SMARCB1: variants seen among roughly 807,000 people sequenced by gnomAD.
SMARCB1 encodes the protein SWI/SNF-related matrix-associated actin-dependent regulator of chromatin subfamily B member 1.
Under a neutral mutation model 49.0 loss-of-function variants are expected in SMARCB1, and 5 were observed. The ratio of observed to expected loss-of-function variants is 0.10; its 90% confidence interval spans 0.05 to 0.21. SMARCB1 has a LOEUF of 0.21. Ranked by LOEUF, SMARCB1 falls within the 10% of genes least tolerant of loss-of-function variation. The probability of loss-of-function intolerance (pLI) is 1.00; values close to 1 mark genes in which losing one functional copy is unlikely to be tolerated. For synonymous variants in SMARCB1, 201 were observed against 200.1 expected, an observed-to-expected ratio of 1.00 and a Z score of -0.04; for missense variants, 226 against 509.2, an observed-to-expected ratio of 0.44 and a Z score of 5.35.
Position 23,837,950 on chromosome 22 carries a change from C to T in SMARCB1, c.*3770C>T. On this transcript the variant is annotated 3_prime_UTR_variant, in exon 9 of 9. Coordinates refer to ENST00000644036, the MANE Select transcript of SMARCB1 (RefSeq NM_003073.5). Reference sequence around the variant, plus strand: ...CCTGGAATTCTTCCCCTCATCTCCCCTATGTGCTATTCCCTCATCAAGATG... The same window carrying T: ...CCTGGAATTCTTCCCCTCATCTCCCTTATGTGCTATTCCCTCATCAAGATG... 2 of 1,320,350 alleles carry T rather than the reference C, an allele frequency of 1.5e-6. No homozygotes were observed. The highest frequency in any genetic ancestry group is 2.1e-6 in the Non-Finnish European group (2 of 974,520). 81.8% of individuals were successfully genotyped at this position (1,320,350 alleles called of 1,614,324 possible). A position where few individuals can be genotyped will look rare whatever the true frequency, so the allele number is the denominator to read the frequency against.
In SMARCB1 at chr22:23,793,490, A is replaced by C. The variant is rs973927274; in HGVS notation, c.233-69A>C. The C allele has an allele frequency of 2.6e-6, 4 of 1,561,510 alleles. No homozygotes were observed. The African/African-American group carries it at 5.4e-5, about 21-fold the overall frequency. On this transcript the variant is annotated intron_variant, in intron 2 of 8. Transcript: ENST00000644036. ...GCATGCGAGGACCTTGATGTGCTGC[A>C]TCCACTTGGCTGGCTGCTGTGTGCC...
chr22:23,834,558 A>C lies in SMARCB1; in HGVS notation c.*378A>C. On this transcript the variant is annotated 3_prime_UTR_variant, in exon 9 of 9. Coordinates refer to ENST00000644036, the MANE Select transcript of SMARCB1 (RefSeq NM_003073.5). ...TCTTCAAAGTTTTAACATAAAAATA[A>C]TGAGAGCCAGGAGTGGGGCCGGGGC... The C allele has an allele frequency of 3.0e-6, 2 of 674,278 alleles. No individual in the cohort carries two copies. Among genetic ancestry groups the C allele is most frequent in the Non-Finnish European group, 5.2e-6 (2 of 382,630 alleles). 41.8% of individuals were successfully genotyped at this position (674,278 alleles called of 1,614,324 possible). A position where few individuals can be genotyped will look rare whatever the true frequency, so the allele number is the denominator to read the frequency against.
At chr22:23,804,108 G>GC (rs1555877331) in intron 5 of SMARCB1, 1 of 148,096 alleles carries the variant, frequency 6.8e-6, no homozygotes, top group East Asian at 2.0e-4. Context: ...TTGCATACCA[G>GC]TTTTTTTTTT....
chr22:23,792,998 G>A (rs992709062), intron 2 of SMARCB1: 2 of 200,498 alleles, frequency 1.0e-5, no homozygotes, highest in African/African-American at 4.6e-5. Context: ...CCTAGAATCT[G>A]TCCTGCTTCC....
chr22:23,819,321 T>C (rs1017336652), intron 6 of SMARCB1, among the ~76,000 whole-genome samples: 34 of 151,372 alleles, frequency 2.2e-4, no homozygotes, highest in Non-Finnish European at 2.7e-4. Flanking sequence ...TGTTTTCATT[T>C]ATTCATTCAT....
rs3062485 is a variant in SMARCB1 at position 23,807,595 on chromosome 22, TA to T, written c.628+4184del. 5.1e-3 allele frequency among the ~76,000 whole-genome samples: 754 copies of T among 147,978 alleles called. 22 individuals are homozygous for T. In the South Asian group the frequency reaches 0.087, roughly 17 times the overall value. The stretch of plus-strand genomic sequence containing the variant: ...GTCTCAAAAACTTTTTTTTTAAAGT[TA>T]AAAAAAAAAATCAAATGATAGATTC... On this transcript the variant is annotated intron_variant, in intron 5 of 8. Transcript: ENST00000644036.
intron 3 of SMARCB1, among the ~76,000 whole-genome samples, chr22:23,797,862 G>A (rs983531031): frequency 7.2e-5 from 11 of 151,984 alleles, no homozygotes; most frequent in East Asian, 5.8e-4. Flanking sequence ...CAGGTGATCC[G>A]TCCGCCTCGG....
intron 7 of SMARCB1, among the ~76,000 whole-genome samples, chr22:23,827,481 G>A (rs914189676): frequency 3.3e-5 from 5 of 152,212 alleles, no homozygotes; most frequent in Non-Finnish European, 5.9e-5. Flanking sequence ...AGGATTTAGA[G>A]GCAGAGGCGG....
intron 2 of SMARCB1, chr22:23,792,161 GT>G: frequency 4.2e-6 from 2 of 473,562 alleles, no homozygotes; most frequent in South Asian, 2.0e-5. Context: ...GTGAAGACAT[GT>G]TGGTCTCAAA....
intron 5 of SMARCB1, among the ~76,000 whole-genome samples, chr22:23,806,919 C>T (rs1382486919): frequency 5.8e-5 from 5 of 86,868 alleles, no homozygotes; most frequent in Non-Finnish European, 1.2e-4. Context: ...GACTCTATCT[C>T]AAAAAAAAAA....
chr22:23,794,402 G>A (rs369215432), intron 3 of SMARCB1, among the ~76,000 whole-genome samples: 12 of 152,290 alleles, frequency 7.9e-5, no homozygotes, highest in African/African-American at 1.9e-4. Context: ...AGTGGGACTC[G>A]TGGGGCACAG....
intron 5 of SMARCB1, among the ~76,000 whole-genome samples, chr22:23,812,924 G>C (rs7284877): frequency 0.7 from 104,470 of 150,280 alleles, 37,695 homozygotes; most frequent in Non-Finnish European, 0.8. Flanking sequence ...GAGTGCAGTG[G>C]CATGATCTCA....
At position 23,808,730 on chromosome 22, in the gene SMARCB1, C is replaced by T. The variant is rs1210318978; in HGVS notation, c.628+5308C>T. 2.7e-5 allele frequency among the ~76,000 whole-genome samples: 4 copies of T among 149,834 alleles called. No individual in the cohort carries two copies. The East Asian group carries it at 7.9e-4, about 30-fold the overall frequency. On this transcript the variant is annotated intron_variant, in intron 5 of 8. Coordinates refer to ENST00000644036, the MANE Select transcript of SMARCB1 (RefSeq NM_003073.5). Reference sequence around the variant, plus strand: ...TTTTTTTTTTGAGACGGAGTTTCCGCTCTTGTTGCCCAGGCTGGAGTGCAG... The same window carrying T: ...TTTTTTTTTTGAGACGGAGTTTCCGTTCTTGTTGCCCAGGCTGGAGTGCAG...
chr22:23,806,808 A>C (rs1929523656), intron 5 of SMARCB1, among the ~76,000 whole-genome samples: 2 of 151,826 alleles, frequency 1.3e-5, no homozygotes, highest in Non-Finnish European at 2.9e-5. Context: ...TGGTCCCAGC[A>C]ACCTGGGAGG....
intron 5 of SMARCB1, chr22:23,816,017 G>A (rs1029918562): frequency 1.3e-5 from 2 of 152,900 alleles, no homozygotes; most frequent in African/African-American, 2.4e-5. Flanking sequence ...GAGATAGTGG[G>A]GCTGTGGTCT....
rs757833744 is a variant in SMARCB1 at position 23,816,755 on chromosome 22, C to T, written c.629-15C>T. On this transcript the variant is annotated splice_polypyrimidine_tract_variant and intron_variant, in intron 5 of 8. Transcript: ENST00000644036. ...GGTGCAATCTCTTGGCATCCCTTCC[C>T]TCTCCTGATTTCAGAGAAGTTGATG... The T allele has an allele frequency of 6.2e-7, 1 of 1,612,080 alleles. No homozygotes were observed. Among genetic ancestry groups the T allele is most frequent in the Admixed American group, 1.7e-5 (1 of 60,024 alleles).
At chr22:23,795,837 C>G (rs1928712327) in intron 3 of SMARCB1, among the ~76,000 whole-genome samples, 1 of 141,044 alleles carries the variant, frequency 7.1e-6, no homozygotes, top group Non-Finnish European at 1.5e-5. Flanking sequence ...GTTGCCCAGG[C>G]TGGAGTACGG....
chr22:23,817,281 G>C, intron 6 of SMARCB1: 1 of 417,328 alleles, frequency 2.4e-6, no homozygotes, highest in Admixed American at 3.6e-5. Flanking sequence ...TGCTGCCTTA[G>C]TGGCCATATT....
chr22:23,810,020 C>T (rs1338576305), intron 5 of SMARCB1, among the ~76,000 whole-genome samples: 1 of 150,082 alleles, frequency 6.7e-6, no homozygotes, highest in Non-Finnish European at 1.5e-5. Flanking sequence ...AATACAAAAA[C>T]AATTAGCCGG....
Sources: gnomAD v4.1 joint callset for allele counts (sites outside exome capture counted in the v4.1 genomes callset) on GRCh38, gnomAD v4.1.1 for gene constraint, MANE v1.5 for transcripts, NCBI Gene and HGNC (gene_info 2026-07-23, HGNC 2026-07-21) for gene names.